Variants in TRDN observed in about 807,000 individuals in gnomAD.
TRDN encodes triadin in skeletal muscle.
Under a neutral mutation model 149.7 loss-of-function variants are expected in TRDN, and 161 were observed. That is an observed-to-expected ratio of 1.08 (90% confidence interval 0.95 to 1.23). The LOEUF is 1.23. Among genes scored for constraint, TRDN ranks in the 50% most tolerant of loss-of-function variants. TRDN has a pLI of 0.00. For missense variants in TRDN, 896 were observed against 823.5 expected (o/e 1.09, Z -1.08); for synonymous variants, 294 against 250.5 (o/e 1.17, Z -1.64).
intron 4 of TRDN, among the ~76,000 whole-genome samples, chr6:123,533,470 A>G (rs1780351587): frequency 6.6e-6 from 1 of 152,072 alleles, no homozygotes; most frequent in South Asian, 2.1e-4. Context: ...GACTGGACAG[A>G]GTTGTGGTGG....
chr6:123,315,837 C>A (rs577352710), intron 24 of TRDN, among the ~76,000 whole-genome samples: 1 of 151,984 alleles, frequency 6.6e-6, no homozygotes, highest in East Asian at 1.9e-4. Context: ...GCCTTGAGTG[C>A]CCAGCTAATC....
At chr6:123,449,135 A>G (rs1264728386) in intron 10 of TRDN, among the ~76,000 whole-genome samples, 1 of 152,138 alleles carries the variant, frequency 6.6e-6, no homozygotes, top group Non-Finnish European at 1.5e-5. Context: ...CCAGAAAACC[A>G]ACGCTGGTAA....
chr6:123,238,652 C>T (rs1775877324), intron 38 of TRDN, among the ~76,000 whole-genome samples: 1 of 151,962 alleles, frequency 6.6e-6, no homozygotes, highest in African/African-American at 2.4e-5. Context: ...AACTAAAGAT[C>T]ATTTTAGTAT....
At chr6:123,439,804 A>C in intron 10 of TRDN, 1 of 152,220 alleles carries the variant, frequency 6.6e-6, no homozygotes, top group East Asian at 1.9e-4. Context: ...TAGATAACAA[A>C]GTCCTGTACT....
At chr6:123,522,517 CTT>C (rs375665403) in intron 5 of TRDN, among the ~76,000 whole-genome samples, 56 of 87,224 alleles carry the variant, frequency 6.4e-4, no homozygotes, top group African/African-American at 1.6e-3. Context: ...TGCGGTTCCT[CTT>C]TTTTTTTTTT....
intron 12 of TRDN, chr6:123,421,519 C>G (rs1335857063): frequency 6.6e-6 from 1 of 152,106 alleles, no homozygotes. Context: ...CTGCTGTTCT[C>G]TCTTCATACT....
At chr6:123,304,251 T>C (rs1778525512) in intron 24 of TRDN, among the ~76,000 whole-genome samples, 1 of 127,016 alleles carries the variant, frequency 7.9e-6, no homozygotes, top group African/African-American at 2.8e-5. Flanking sequence ...TCTTTTATTT[T>C]CTTTTTTTTT....
intron 37 of TRDN, among the ~76,000 whole-genome samples, chr6:123,253,384 A>C (rs1776445597): frequency 6.6e-6 from 1 of 152,094 alleles, no homozygotes; most frequent in Admixed American, 6.6e-5. Flanking sequence ...TTTCTAACAT[A>C]AACCTAAAGA....
rs1464750981 is a variant in TRDN at position 123,581,746 on chromosome 6, T to C, written c.23-10614A>G. 2.0e-5 allele frequency among the ~76,000 whole-genome samples: 3 copies of C among 152,140 alleles called. No homozygotes were observed. In the South Asian group the frequency reaches 6.2e-4, roughly 32 times the overall value. On this transcript the variant is annotated intron_variant, in intron 1 of 40. Transcript: ENST00000334268. ...GCTGGTCCAAAGAAGGCTACAACAG[T>C]GGAGGAAAGACTAATGTTTTAGAAA...
intron 35 of TRDN, among the ~76,000 whole-genome samples, chr6:123,258,193 G>C (rs912672727): frequency 6.6e-6 from 1 of 152,056 alleles, no homozygotes; most frequent in Non-Finnish European, 1.5e-5. Flanking sequence ...TGGTGAAAGA[G>C]GGCATCCTTG....
Position 123,537,584 on chromosome 6 carries a change from G to A in TRDN, c.425-7019C>T, listed in dbSNP as rs74495509. Among the ~76,000 whole-genome samples, 1,323 of 152,192 alleles carry A rather than the reference G, an allele frequency of 8.7e-3. 20 individuals are homozygous for A. The highest frequency in any genetic ancestry group is 0.029 in the African/African-American group (1,222 of 41,506). On this transcript the variant is annotated intron_variant, in intron 4 of 40. Coordinates refer to ENST00000334268, the MANE Select transcript of TRDN (RefSeq NM_006073.4). ...AGTTTTTCTTCCTCCTCATGAGGCC[G>A]TTTAATTCTGTCAAAATGTTTACAT... is the stretch of plus-strand genomic sequence containing the variant.
chr6:123,305,091 T>C (rs893828100), intron 24 of TRDN, among the ~76,000 whole-genome samples: 12 of 152,172 alleles, frequency 7.9e-5, no homozygotes, highest in African/African-American at 2.9e-4. Context: ...ATTGAAAACA[T>C]TGCTTATACT....
chr6:123,410,672 A>G (rs1189636815), intron 12 of TRDN, among the ~76,000 whole-genome samples: 8 of 152,148 alleles, frequency 5.3e-5, no homozygotes, highest in Non-Finnish European at 8.8e-5. Flanking sequence ...TTTTACTAAA[A>G]TGATAGTGGA....
intron 7 of TRDN, chr6:123,509,325 T>C (rs761587123): frequency 1.3e-5 from 2 of 152,092 alleles, no homozygotes; most frequent in Non-Finnish European, 2.9e-5. Context: ...TTCCCTTCAA[T>C]ATGGGTTGCC....
chr6:123,590,432 A>T (rs1163606137), intron 1 of TRDN, among the ~76,000 whole-genome samples: 2 of 152,142 alleles, frequency 1.3e-5, no homozygotes, highest in African/African-American at 4.8e-5. Context: ...CATTATGGTG[A>T]GTTGTATAAT....
At chr6:123,564,132 T>C (rs921008932) in intron 2 of TRDN, among the ~76,000 whole-genome samples, 1 of 152,210 alleles carries the variant, frequency 6.6e-6, no homozygotes, top group Non-Finnish European at 1.5e-5. Context: ...AATATTGAAT[T>C]ATAGAACTCT....
intron 2 of TRDN, among the ~76,000 whole-genome samples, chr6:123,562,094 T>C (rs1284697137): frequency 6.6e-6 from 1 of 152,134 alleles, no homozygotes. Flanking sequence ...CCTTGTGAAA[T>C]TCCTTCTCCT....
rs535512689 is a variant in TRDN at position 123,356,810 on chromosome 6, T to C, written c.1322-4224A>G. ...AATCTTTTTATTTGCTTATTATCTA[T>C]AGAATCTGTAGTGATGATCCCTTTT... On this transcript the variant is annotated intron_variant, in intron 20 of 40. Coordinates refer to ENST00000334268, the MANE Select transcript of TRDN (RefSeq NM_006073.4). Among the ~76,000 whole-genome samples, 4 of 151,328 alleles carry C rather than the reference T, an allele frequency of 2.6e-5. No homozygotes were observed. In the South Asian group the frequency reaches 6.2e-4, roughly 24 times the overall value.
intron 4 of TRDN, among the ~76,000 whole-genome samples, chr6:123,537,453 T>G (rs1244372130): frequency 6.6e-6 from 1 of 152,128 alleles, no homozygotes; most frequent in African/African-American, 2.4e-5. Context: ...ATGGAGAATT[T>G]TCTTGTTCTC....
Sources: gnomAD v4.1 joint callset for allele counts (sites outside exome capture counted in the v4.1 genomes callset) on GRCh38, gnomAD v4.1.1 for gene constraint, MANE v1.5 for transcripts, NCBI Gene and HGNC (gene_info 2026-07-23, HGNC 2026-07-21) for gene names.